The following MDN1 variants were observed in gnomAD, a reference collection of about 807,000 sequenced individuals.
MDN1 encodes the protein midasin.
Under a neutral mutation model 669.2 loss-of-function variants are expected in MDN1, and 266 were observed. The ratio of observed to expected loss-of-function variants is 0.40; its 90% CI spans 0.36 to 0.44. The LOEUF (loss-of-function observed/expected upper bound fraction) is 0.44, where lower values mean the gene tolerates loss of function less well. MDN1 is among the 20% of genes least tolerant of loss of function. The probability of loss-of-function intolerance (pLI) is 1.00; values close to 1 mark genes in which losing one functional copy is unlikely to be tolerated. For missense variants in MDN1, 5,940 were observed against 6,754.0 expected (o/e 0.88, Z 4.22); for synonymous variants, 2,385 against 2,457.1 (o/e 0.97, Z 0.87).
At chr6:89,747,279 T>C in intron 27 of MDN1, 50 bp downstream of exon 27, 1 of 1,583,112 alleles carries the variant, frequency 6.3e-7, no homozygotes, top group Non-Finnish European at 8.6e-7. Context: ...TAATAAAAAG[T>C]TTGACATTTA....
intron 35 of MDN1, among the ~76,000 whole-genome samples, chr6:89,729,667 T>C (rs1014375548): frequency 4.7e-5 from 7 of 150,280 alleles, no homozygotes; most frequent in African/African-American, 1.2e-4. Context: ...GAAGTTTTTG[T>C]TTTGTTTTCG....
chr6:89,712,145 A>C lies in MDN1; in HGVS notation c.7542T>G (p.Asp2514Glu), dbSNP rs1321187850. The C allele has an allele frequency of 6.2e-7, 1 of 1,613,972 alleles. No individual in the cohort carries two copies. The highest frequency in any genetic ancestry group is 8.5e-7 in the Non-Finnish European group (1 of 1,179,968). Residue 2514 changes from aspartate (D) to glutamate (E), a missense_variant, in exon 49 of 102, where the codon GAT (aspartate) becomes GAG (glutamate). Asp to Glu is a conservative substitution (Grantham distance 45, BLOSUM62 2). Transcript: ENST00000369393. ...EVNTYWIDEP[D>E]VLVMAVKLLI... The stretch of plus-strand genomic sequence containing the variant: ...GCAATTTAACAGCCATGACCAAAAC[A>C]TCTGGTTCATCGATCCAGTAAGTAT...
chr6:89,778,651 G>A (rs1351502166), intron 11 of MDN1, among the ~76,000 whole-genome samples: 2 of 151,958 alleles, frequency 1.3e-5, no homozygotes, highest in African/African-American at 2.4e-5. Flanking sequence ...TTGGGAGGCT[G>A]AGGTGGGTGG....
Position 89,794,005 on chromosome 6 carries a change from C to T in MDN1, c.663-51G>A, listed in dbSNP as rs748117816. 9.9e-5 allele frequency: 148 copies of T among 1,497,656 alleles called. 1 individual carries two copies. The South Asian group carries it at 1.5e-3, about 15-fold the overall frequency. 92.8% of individuals were successfully genotyped at this position (1,497,656 alleles called of 1,614,324 possible). The stretch of plus-strand genomic sequence containing the variant: ...TTACCTTACCACTCAGAAATGCTAT[C>T]GCAAGACCTGCAGTCACCTCTGGCC... On this transcript the variant is annotated intron_variant, in intron 4 of 101. Transcript: ENST00000369393.
At chr6:89,753,696 A>C (rs1817078885) in intron 21 of MDN1, 74 bp from the exon 22 acceptor site, 2 of 1,216,322 alleles carry the variant, frequency 1.6e-6, no homozygotes, top group Admixed American at 1.8e-5. Flanking sequence ...TCCAGAACAA[A>C]ATTTAACCTC....
At chr6:89,652,097 G>A (rs1808914754) in intron 95 of MDN1, 95 bp downstream of exon 95, 3 of 905,626 alleles carry the variant, frequency 3.3e-6, no homozygotes, top group East Asian at 2.4e-5. Context: ...TTTTTGTTAA[G>A]GTAATTGCTA....
intron 37 of MDN1, among the ~76,000 whole-genome samples, chr6:89,727,070 C>T (rs1338609797): frequency 6.6e-6 from 1 of 152,106 alleles, no homozygotes; most frequent in Admixed American, 6.5e-5. Flanking sequence ...TTCTATCAGA[C>T]ATCTTGTTCA....
rs563424112 is a variant in MDN1, at chr6:89,658,341, T to C, written c.15051A>G (p.Thr5017=). ...QEEEEREDSD[T]EEQVPEALER... is the part of the protein sequence containing the mutation. Reference sequence around the variant, plus strand: ...CCAAAGCCTCTGGCACCTGCTCCTCTGTATCAGAGTCCTCCCGTTCTTCTT... The same window carrying C: ...CCAAAGCCTCTGGCACCTGCTCCTCCGTATCAGAGTCCTCCCGTTCTTCTT... Residue 5017 remains threonine, a synonymous_variant, in exon 90 of 102, where the codon ACA becomes ACG. Coordinates refer to ENST00000369393, the MANE Select transcript of MDN1 (RefSeq NM_014611.3). 51 of 1,614,186 alleles carry C rather than the reference T, an allele frequency of 3.2e-5. 1 individual carries two copies. The South Asian group carries it at 5.6e-4, about 18-fold the overall frequency.
At chr6:89,794,544 C>A (rs781499770) in intron 3 of MDN1, 33 bp downstream of exon 3, 18 of 1,593,774 alleles carry the variant, frequency 1.1e-5, no homozygotes, top group Non-Finnish European at 1.5e-5. Flanking sequence ...CATCCCCACA[C>A]TAGAAGTGCA....
intron 13 of MDN1, among the ~76,000 whole-genome samples, chr6:89,773,821 T>A (rs971076833): frequency 2.0e-5 from 3 of 149,704 alleles, no homozygotes; most frequent in African/African-American, 7.4e-5. Flanking sequence ...AAAAATTAGC[T>A]GGGCGTGGTG....
chr6:89,816,719 C>T (rs535617685), intron 1 of MDN1, among the ~76,000 whole-genome samples: 10 of 146,120 alleles, frequency 6.8e-5, no homozygotes, highest in East Asian at 2.0e-4. Context: ...CTGTCACCCA[C>T]GCTGGAGTGC....
chr6:89,669,344 G>A (rs189465754), intron 83 of MDN1, among the ~76,000 whole-genome samples: 38 of 152,338 alleles, frequency 2.5e-4, no homozygotes, highest in African/African-American at 8.7e-4. Flanking sequence ...GTGCCCACCA[G>A]AGGCGGAGAA....
chr6:89,674,538 C>T lies in MDN1; in HGVS notation c.12813G>A (p.Gln4271=). ...GAGGGGGGAAGGCCACGGGGTAGGCCTGGGGCCCCATCAGCCTGCTGTGAA... is the reference window on the plus strand; with the variant it reads ...GAGGGGGGAAGGCCACGGGGTAGGCTTGGGGCCCCATCAGCCTGCTGTGAA... ...QEIHSRLMGP[Q]AYPVAFPPQD... is the part of the protein sequence containing the mutation. The change falls in exon 79 of 102, where the codon CAG becomes CAA. Residue 4271 remains glutamine, a synonymous_variant. Transcript: ENST00000369393. The T allele has an allele frequency of 5.6e-6, 9 of 1,600,502 alleles. No individual in the cohort carries two copies. The highest frequency in any genetic ancestry group is 7.6e-6 in the Non-Finnish European group (9 of 1,177,192).
intron 37 of MDN1, among the ~76,000 whole-genome samples, chr6:89,727,201 T>C (rs368684084): frequency 5.3e-5 from 8 of 151,928 alleles, no homozygotes; most frequent in Admixed American, 3.3e-4. Context: ...GACCCAGGAG[T>C]CTGAACCTGG....
chr6:89,743,977 C>T (rs897691434), intron 29 of MDN1, among the ~76,000 whole-genome samples: 2 of 152,018 alleles, frequency 1.3e-5, no homozygotes. Context: ...GTGCCTCACG[C>T]CTGTAACCCT....
Position 89,749,217 on chromosome 6 carries a change from A to G in MDN1, c.3762+6T>C, listed in dbSNP as rs1269632182. 1 of 1,613,172 alleles carries G rather than the reference A, an allele frequency of 6.2e-7. No homozygotes were observed. Among genetic ancestry groups the G allele is most frequent in the Non-Finnish European group, 8.5e-7 (1 of 1,179,564 alleles). ...TAATCAATACATTCCATTTGAAACT[A>G]AGTACCTGAAGATCCAGCATGACTT... On this transcript the variant is annotated splice_donor_region_variant and intron_variant, in intron 26 of 101. Transcript: ENST00000369393.
At chr6:89,816,768 G>A (rs1318160808) in intron 1 of MDN1, among the ~76,000 whole-genome samples, 4 of 149,264 alleles carry the variant, frequency 2.7e-5, no homozygotes, top group African/African-American at 9.9e-5. Flanking sequence ...TCCACCTCCC[G>A]GGTTCACGCC....
chr6:89,740,303 C>T lies in MDN1; in HGVS notation c.4524G>A (p.Leu1508=). 8.1e-6 allele frequency: 13 copies of T among 1,611,716 alleles called. No individual in the cohort carries two copies. The highest frequency in any genetic ancestry group is 1.1e-5 in the Non-Finnish European group (13 of 1,179,364). Reference sequence around the variant, plus strand: ...TACGAAATTTTTTCCCAGCAGTCAACAGCTCTATTTCACTATCCTTGTCCT... The same window carrying T: ...TACGAAATTTTTTCCCAGCAGTCAATAGCTCTATTTCACTATCCTTGTCCT... ...SPEDKDSEIE[L]LTAGKKFRIL... The change falls in exon 32 of 102, where the codon CTG becomes CTA. Residue 1508 remains leucine (L), a synonymous_variant. Coordinates refer to ENST00000369393, the MANE Select transcript of MDN1 (RefSeq NM_014611.3).
chr6:89,747,103 T>C (rs1240775275), intron 27 of MDN1, among the ~76,000 whole-genome samples: 1 of 152,190 alleles, frequency 6.6e-6, no homozygotes. Context: ...CACATGTGGC[T>C]ACCTGAAGCA....
Sources: gnomAD v4.1 joint callset for allele counts (sites outside exome capture counted in the v4.1 genomes callset) on GRCh38, gnomAD v4.1.1 for gene constraint, MANE v1.5 for transcripts, NCBI Gene and HGNC (gene_info 2026-07-23, HGNC 2026-07-21) for gene names.